The following DIS3L variants were observed in gnomAD, a reference collection of about 807,000 sequenced individuals.
DIS3L encodes the protein DIS3 like exosome 3'-5' exoribonuclease.
Under a neutral mutation model 120.3 loss-of-function variants are expected in DIS3L, and 100 were observed. That is an observed-to-expected ratio of 0.83 (90% confidence interval 0.71 to 0.98). The LOEUF is 0.98. DIS3L is among the 50% of genes least tolerant of loss of function. DIS3L has a pLI of 0.00. For synonymous variants in DIS3L, 426 were observed against 470.6 expected, an observed-to-expected ratio of 0.91 and a Z score of 1.23; for missense variants, 1,196 against 1,314.2, an observed-to-expected ratio of 0.91 and a Z score of 1.39.
intron 2 of DIS3L, among the ~76,000 whole-genome samples, chr15:66,301,732 A>C (rs969309504): frequency 3.3e-5 from 5 of 152,192 alleles, no homozygotes; most frequent in Non-Finnish European, 5.9e-5. Flanking sequence ...AAATATGACT[A>C]TATCATATGT....
At chr15:66,312,945 T>G (rs1252036741) in intron 5 of DIS3L, among the ~76,000 whole-genome samples, 1 of 152,172 alleles carries the variant, frequency 6.6e-6, no homozygotes. Flanking sequence ...TAGTAAAGTT[T>G]ATGGCATTCC....
chr15:66,329,248 T>A lies in DIS3L; in HGVS notation c.2384T>A (p.Phe795Tyr). Residue 795 changes from phenylalanine (F) to tyrosine (Y), a missense_variant, in exon 14 of 17, where the codon TTT becomes TAT. Transcript: ENST00000319212. ...YGLALDKYTHFTSPIRRYSDI... is the reference protein window; with the variant it reads ...YGLALDKYTHYTSPIRRYSDI... ...CTTGCATTAGATAAATATACCCACT[T>A]TACTTCTCCAATAAGAAGATATTCA... The A allele has an allele frequency of 6.2e-7, 1 of 1,608,474 alleles. No individual in the cohort carries two copies.
intron 3 of DIS3L, among the ~76,000 whole-genome samples, chr15:66,308,282 A>G (rs960662991): frequency 2.6e-5 from 4 of 152,162 alleles, no homozygotes; most frequent in Non-Finnish European, 5.9e-5. Flanking sequence ...ATATGGTTCC[A>G]TATCAGACCC....
intron 2 of DIS3L, among the ~76,000 whole-genome samples, chr15:66,304,407 C>T (rs555893741): frequency 4.6e-5 from 7 of 150,960 alleles, no homozygotes; most frequent in Non-Finnish European, 8.9e-5. Context: ...GAGCCATGAT[C>T]GTGCCACTGC....
chr15:66,328,757 AG>A (rs1363114113), intron 12 of DIS3L, among the ~76,000 whole-genome samples: 1 of 152,220 alleles, frequency 6.6e-6, no homozygotes, highest in Non-Finnish European at 1.5e-5. Flanking sequence ...TTTCTACTTA[AG>A]AAATGTATTT....
At chr15:66,300,895 G>C (rs2092640806) in intron 2 of DIS3L, among the ~76,000 whole-genome samples, 1 of 152,226 alleles carries the variant, frequency 6.6e-6, no homozygotes, top group Non-Finnish European at 1.5e-5. Context: ...AATGTTTTGT[G>C]AGTATTGTCT....
rs1164322193 is a variant in DIS3L at position 66,326,252 on chromosome 15, T to G, written c.2089T>G (p.Trp697Gly). The G allele has an allele frequency of 1.9e-6, 3 of 1,614,078 alleles. No individual in the cohort carries two copies. Among genetic ancestry groups the G allele is most frequent in the Non-Finnish European group, 2.5e-6 (3 of 1,180,044 alleles). Residue 697 changes from tryptophan to glycine, a missense_variant, in exon 12 of 17, where the codon TGG (tryptophan) becomes GGG (glycine). Transcript: ENST00000319212. ...CAACCACTGGGTCGCCAAAAAGATC[T>G]GGGAGAGCTTCCCTCATCAGGCCTT... Reference protein sequence around the residue: ...LANHWVAKKIWESFPHQALLR... With the variant: ...LANHWVAKKIGESFPHQALLR...
At chr15:66,298,250 C>CACATGATCTA (rs2092610957) in intron 2 of DIS3L, among the ~76,000 whole-genome samples, 1 of 147,596 alleles carries the variant, frequency 6.8e-6, no homozygotes. Context: ...TCTGAAAGGT[C>CACATGATCTA]ACATGATCTA....
At position 66,325,973 on chromosome 15, in the gene DIS3L, G is replaced by A. The variant is rs1164518855; in HGVS notation, c.1810G>A (p.Val604Ile). ...QELLDGNLSV[V>I]DDIPEFKDLD... ...ACTACTGGATGGAAACTTAAGCGTT[G>A]TTGATGATATTCCAGAATTCAAAGA... Residue 604 changes from valine to isoleucine, a missense_variant, in exon 12 of 17, where the codon GTT becomes ATT. Physicochemically the swap from Val to Ile is conservative, Grantham distance 29 (BLOSUM62 3). Coordinates refer to ENST00000319212, the MANE Select transcript of DIS3L (RefSeq NM_001143688.3). The A allele has an allele frequency of 2.5e-6, 4 of 1,614,078 alleles. No individual in the cohort carries two copies. The highest frequency in any genetic ancestry group is 2.2e-5 in the East Asian group (1 of 44,896).
intron 2 of DIS3L, among the ~76,000 whole-genome samples, chr15:66,301,164 G>A (rs1466537562): frequency 2.0e-5 from 3 of 152,120 alleles, no homozygotes; most frequent in African/African-American, 7.2e-5. Context: ...AAGAAGGTAG[G>A]TTTAACTGCC....
intron 1 of DIS3L, chr15:66,294,335 G>T: frequency 2.0e-6 from 2 of 985,574 alleles, no homozygotes; most frequent in Non-Finnish European, 2.4e-6. Flanking sequence ...TAGGCCACAA[G>T]GGTGGCCGAT....
Position 66,318,554 on chromosome 15 carries a change from T to A in DIS3L, c.1100T>A (p.Val367Asp). The A allele has an allele frequency of 6.2e-7, 1 of 1,613,994 alleles. No individual in the cohort carries two copies. ...SQGKNAQKILVTPWDYRIPKI... is the reference protein window; with the variant it reads ...SQGKNAQKILDTPWDYRIPKI... ...GGCAAAAATGCTCAGAAAATCCTGG[T>A]TACACCTTGGGATTACAGAATTCCC... Residue 367 changes from valine to aspartate, a missense_variant, in exon 8 of 17, where the codon GTT becomes GAT. Physicochemically the swap from Val to Asp is radical, Grantham distance 152. Transcript: ENST00000319212.
Position 66,293,635 on chromosome 15 carries a change from C to A in DIS3L, c.39C>A (p.Thr13=), listed in dbSNP as rs2140306122. The part of the protein sequence containing the change: ...QKREKVLLLR[T]FQGRTLRIVR... ...GGGAGAAGGTGCTGCTGCTGAGGAC[C>A]TTCCAGGGCCGCACGCTGCGGATCG... Residue 13 remains threonine (T), a synonymous_variant, in exon 1 of 17, where the codon ACC becomes ACA. Transcript: ENST00000319212. 1.4e-6 allele frequency: 2 copies of A among 1,442,824 alleles called. No individual in the cohort carries two copies. The highest frequency in any genetic ancestry group is 1.8e-6 in the Non-Finnish European group (2 of 1,099,474). 89.4% of individuals were successfully genotyped at this position (1,442,824 alleles called of 1,614,324 possible).
chr15:66,329,036 G>A lies in DIS3L; in HGVS notation c.2268G>A (p.Arg756=). 3 of 1,614,196 alleles carry A rather than the reference G, an allele frequency of 1.9e-6. No individual in the cohort carries two copies. Among genetic ancestry groups the A allele is most frequent in the Non-Finnish European group, 2.5e-6 (3 of 1,180,040 alleles). Residue 756 remains arginine, a synonymous_variant, in exon 13 of 17, where the codon AGG becomes AGA. Transcript: ENST00000319212. Reference sequence around the variant, plus strand: ...ACCCCCACGATCCCATTGTGAACAGGCTACTGCGCTCCATGGCCACGCAGG... The same window carrying A: ...ACCCCCACGATCCCATTGTGAACAGACTACTGCGCTCCATGGCCACGCAGG... The part of the protein sequence containing the change: ...ANDPHDPIVN[R]LLRSMATQAM...
rs1456963004 is a variant in DIS3L, at chr15:66,325,941, C to T, written c.1778C>T (p.Ala593Val). 1 of 1,614,006 alleles carries T rather than the reference C, an allele frequency of 6.2e-7. No homozygotes were observed. The highest frequency in any genetic ancestry group is 1.3e-5 in the African/African-American group (1 of 74,888). Reference sequence around the variant, plus strand: ...GCATACAAACTGTTCTATGAAGCAGCCCAAGAACTACTGGATGGAAACTTA... The same window carrying T: ...GCATACAAACTGTTCTATGAAGCAGTCCAAGAACTACTGGATGGAAACTTA... ...RSAYKLFYEA[A>V]QELLDGNLSV... The change falls in exon 12 of 17, where the codon GCC (alanine) becomes GTC (valine). Residue 593 changes from alanine (A) to valine (V), a missense_variant. Transcript: ENST00000319212.
intron 12 of DIS3L, among the ~76,000 whole-genome samples, chr15:66,328,556 GA>G (rs2092962505): frequency 6.6e-6 from 1 of 152,080 alleles, no homozygotes; most frequent in African/African-American, 2.4e-5. Flanking sequence ...TAAATAAATA[GA>G]ATGCTTACTA....
rs1178731576 is a variant in DIS3L at position 66,325,964 on chromosome 15, T to G, written c.1801T>G (p.Leu601Val). 1 of 1,614,164 alleles carries G rather than the reference T, an allele frequency of 6.2e-7. No homozygotes were observed. The highest frequency in any genetic ancestry group is 8.5e-7 in the Non-Finnish European group (1 of 1,180,038). The change falls in exon 12 of 17, where the codon TTA becomes GTA. Residue 601 changes from leucine to valine, a missense_variant. By Grantham distance (32) the Leu-to-Val change is conservative (BLOSUM62 1). Transcript: ENST00000319212. Reference sequence around the variant, plus strand: ...AGCCCAAGAACTACTGGATGGAAACTTAAGCGTTGTTGATGATATTCCAGA... The same window carrying G: ...AGCCCAAGAACTACTGGATGGAAACGTAAGCGTTGTTGATGATATTCCAGA... ...EAAQELLDGN[L>V]SVVDDIPEFK...
intron 5 of DIS3L, among the ~76,000 whole-genome samples, chr15:66,313,330 G>C (rs982191300): frequency 1.3e-5 from 2 of 152,160 alleles, no homozygotes; most frequent in African/African-American, 4.8e-5. Context: ...ATTTTTAAAA[G>C]ACTACTCATC....
At position 66,326,288 on chromosome 15, in the gene DIS3L, C is replaced by T; in HGVS notation, c.2125C>T (p.His709Tyr). ...CCCTCATCAGGCCTTGCTGCGCCAG[C>T]ACCCTCCTCCACACCAGGAGTTCTT... Reference protein sequence around the residue: ...SFPHQALLRQHPPPHQEFFSE... With the variant: ...SFPHQALLRQYPPPHQEFFSE... Residue 709 changes from histidine (H) to tyrosine (Y), a missense_variant, in exon 12 of 17, where the codon CAC becomes TAC. By Grantham distance (83) the His-to-Tyr change is moderately conservative (BLOSUM62 2). Coordinates refer to ENST00000319212, the MANE Select transcript of DIS3L (RefSeq NM_001143688.3). 6.2e-7 allele frequency: 1 copy of T among 1,614,200 alleles called. No individual in the cohort carries two copies. The highest frequency in any genetic ancestry group is 8.5e-7 in the Non-Finnish European group (1 of 1,180,048).
Sources: allele counts gnomAD v4.1 joint callset (sites outside exome capture counted in the v4.1 genomes callset), GRCh38; gene constraint gnomAD v4.1.1; transcripts MANE v1.5; gene names NCBI Gene and HGNC (gene_info 2026-07-23, HGNC 2026-07-21).